APP: variants seen among roughly 807,000 people sequenced by gnomAD.
The protein encoded by APP is amyloid-beta precursor protein.
In APP, 31 loss-of-function variants were observed where a neutral mutation model predicts 101.4. The observed-to-expected ratio is 0.31, with a 90% CI of 0.23 to 0.41. The LOEUF is 0.41. Among genes scored for constraint, APP ranks in the 10% least tolerant of loss-of-function variants. APP has a pLI of 1.00. For synonymous variants in APP, 366 were observed against 364.4 expected, an observed-to-expected ratio of 1.00 and a Z score of -0.05; for missense variants, 839 against 1,003.7, an observed-to-expected ratio of 0.84 and a Z score of 2.22.
intron 13 of APP, among the ~76,000 whole-genome samples, chr21:25,917,519 A>T (rs1256344171): frequency 1.3e-5 from 2 of 152,230 alleles, no homozygotes; most frequent in Non-Finnish European, 2.9e-5. Flanking sequence ...ATATTCTTTT[A>T]ATTATTAATC....
chr21:26,019,471 T>TACTCTCG (rs2044239951), intron 6 of APP, among the ~76,000 whole-genome samples: 1 of 152,178 alleles, frequency 6.6e-6, no homozygotes, highest in Non-Finnish European at 1.5e-5. Flanking sequence ...AGTTCCCTCT[T>TACTCTCG]ACTCTCGGAG....
intron 13 of APP, among the ~76,000 whole-genome samples, chr21:25,914,595 C>A (rs1016258112): frequency 6.8e-6 from 1 of 147,202 alleles, no homozygotes; most frequent in Non-Finnish European, 1.5e-5. Flanking sequence ...GCTCTGTCGC[C>A]CAGGCTGGAG....
intron 1 of APP, among the ~76,000 whole-genome samples, chr21:26,131,236 T>A (rs1202053131): frequency 1.3e-5 from 2 of 150,674 alleles, no homozygotes; most frequent in East Asian, 1.9e-4. Flanking sequence ...CCTCAAAAAA[T>A]AAATAAATAA....
intron 1 of APP, among the ~76,000 whole-genome samples, chr21:26,162,212 C>G (rs1264487801): frequency 6.6e-6 from 1 of 152,152 alleles, no homozygotes; most frequent in Admixed American, 6.5e-5. Context: ...GCCTGTAGTC[C>G]CAGCTACTCT....
chr21:25,954,728 G>A lies in APP; in HGVS notation c.1588-39C>T, dbSNP rs201020285. 9.8e-6 allele frequency: 15 copies of A among 1,525,006 alleles called. No homozygotes were observed. In the African/African-American group the frequency reaches 1.9e-4, roughly 19 times the overall value. 94.5% of individuals were successfully genotyped at this position (1,525,006 alleles called of 1,614,324 possible). A position where few individuals can be genotyped will look rare whatever the true frequency, so the allele number is the denominator to read the frequency against. ...TGACAACTCCAGGTCAACAATGTCT[G>A]GGGGTAGGAATGGTTCTTTTTCTTT... is the stretch of plus-strand genomic sequence containing the variant. On this transcript the variant is annotated intron_variant, in intron 12 of 17. Coordinates refer to ENST00000346798, the MANE Select transcript of APP (RefSeq NM_000484.4).
chr21:25,999,005 T>G (rs926834264), intron 7 of APP, among the ~76,000 whole-genome samples: 1 of 152,184 alleles, frequency 6.6e-6, no homozygotes, highest in South Asian at 2.1e-4. Context: ...GAAAATTATG[T>G]TCTGGCGGGG....
chr21:26,150,626 T>TAGATAGACAGACAGACAGAC (rs370206066), intron 1 of APP, among the ~76,000 whole-genome samples: 6 of 149,812 alleles, frequency 4.0e-5, no homozygotes, highest in Non-Finnish European at 8.9e-5. Context: ...GACAGATAGA[T>TAGATAGACAGACAGACAGAC]AGACAGACAG....
At chr21:26,089,633 C>T (rs896160194) in intron 3 of APP, 21 of 235,946 alleles carry the variant, frequency 8.9e-5, no homozygotes, top group Middle Eastern at 1.7e-3. Flanking sequence ...CTATGCGATA[C>T]GGTAAAATAA....
At chr21:26,056,043 TTTGTTTG>T (rs1265816318) in intron 3 of APP, among the ~76,000 whole-genome samples, 9 of 152,134 alleles carry the variant, frequency 5.9e-5, no homozygotes, top group African/African-American at 2.2e-4. Flanking sequence ...AATCTTTTTG[TTTGTTTG>T]TTTTCAGACA....
At chr21:25,936,164 CA>C in intron 13 of APP, among the ~76,000 whole-genome samples, 1 of 152,170 alleles carries the variant, frequency 6.6e-6, no homozygotes. Flanking sequence ...CCCTAACCCT[CA>C]AGGGACCTTT....
intron 9 of APP, 144 bp downstream of exon 9, chr21:25,982,200 T>C: frequency 1.1e-6 from 1 of 931,686 alleles, no homozygotes; most frequent in Non-Finnish European, 1.7e-6. Context: ...CCACAAACTG[T>C]GCCCACACAG....
chr21:26,003,480 C>A (rs1181358986), intron 6 of APP, among the ~76,000 whole-genome samples: 1 of 152,184 alleles, frequency 6.6e-6, no homozygotes, highest in Admixed American at 6.5e-5. Flanking sequence ...TGGGCAATAG[C>A]AACAGATCCC....
At chr21:25,883,329 G>C (rs1021347109) in intron 17 of APP, among the ~76,000 whole-genome samples, 1 of 152,146 alleles carries the variant, frequency 6.6e-6, no homozygotes, top group African/African-American at 2.4e-5. Flanking sequence ...CTTGAACTTG[G>C]GGGGTGGAGT....
At chr21:26,125,612 T>G (rs575419388) in intron 1 of APP, among the ~76,000 whole-genome samples, 1 of 151,162 alleles carries the variant, frequency 6.6e-6, no homozygotes, top group East Asian at 2.0e-4. Flanking sequence ...AGTGCTTTCA[T>G]GGCCAAGGTC....
chr21:26,152,407 T>C (rs1376469245), intron 1 of APP, among the ~76,000 whole-genome samples: 1 of 151,932 alleles, frequency 6.6e-6, no homozygotes, highest in African/African-American at 2.4e-5. Context: ...TAGCTCCAGT[T>C]TCCCTAAACA....
intron 14 of APP, among the ~76,000 whole-genome samples, chr21:25,907,564 A>G (rs929401291): frequency 2.0e-5 from 3 of 152,262 alleles, no homozygotes; most frequent in Non-Finnish European, 4.4e-5. Context: ...AACTTTTAAT[A>G]GAGTTAAAAT....
chr21:26,112,202 GGAGGAAGAA>G (rs2062343176), intron 1 of APP, 56 bp from the exon 2 acceptor site: 1 of 1,571,262 alleles, frequency 6.4e-7, no homozygotes, highest in African/African-American at 1.4e-5. Flanking sequence ...GCAGAGGCTT[GGAGGAAGAA>G]CAGGGATAAC....
intron 11 of APP, among the ~76,000 whole-genome samples, chr21:25,972,200 T>A (rs543565742): frequency 1.3e-5 from 2 of 151,956 alleles, no homozygotes; most frequent in Non-Finnish European, 2.9e-5. Context: ...AATTTCTATA[T>A]ACAACAACTA....
At chr21:25,913,669 G>C (rs941944970) in intron 13 of APP, among the ~76,000 whole-genome samples, 14 of 152,156 alleles carry the variant, frequency 9.2e-5, no homozygotes, top group Admixed American at 9.2e-4. Context: ...CAGGGGCTAC[G>C]CTGTTCTTGG....
Sources: gnomAD v4.1 joint callset for allele counts (sites outside exome capture counted in the v4.1 genomes callset) on GRCh38, gnomAD v4.1.1 for gene constraint, MANE v1.5 for transcripts, NCBI Gene and HGNC (gene_info 2026-07-23, HGNC 2026-07-21) for gene names.